The following ZNF93 variants were observed in gnomAD, a reference collection of about 807,000 sequenced individuals.
The protein encoded by ZNF93 is zinc finger protein 505.
A neutral mutation model predicts 45.0 loss-of-function variants in ZNF93; 29 were observed. That is an observed-to-expected ratio of 0.64 (90% CI 0.48 to 0.88). ZNF93 has a LOEUF of 0.88. Ranked by LOEUF, ZNF93 falls within the 40% of genes least tolerant of loss-of-function variation. The pLI, the probability that ZNF93 is intolerant of heterozygous loss-of-function variation, is 0.00. For synonymous variants in ZNF93, 223 were observed against 244.6 expected, an observed-to-expected ratio of 0.91 and a Z score of 0.82; for missense variants, 578 against 724.0, an observed-to-expected ratio of 0.80 and a Z score of 2.31.
chr19:19,906,769 A>G (rs2063293966), intron 1 of ZNF93, among the ~76,000 whole-genome samples: 1 of 152,044 alleles, frequency 6.6e-6, no homozygotes, highest in African/African-American at 2.4e-5. Flanking sequence ...TTTGAGCACC[A>G]TTTATGAAAT....
intron 3 of ZNF93, among the ~76,000 whole-genome samples, chr19:19,924,740 G>T (rs1431192810): frequency 1.3e-5 from 2 of 152,078 alleles, no homozygotes; most frequent in East Asian, 3.9e-4. Flanking sequence ...ACAGGCATGT[G>T]CCACCACACC....
chr19:19,927,126 T>C (rs2063358572), intron 3 of ZNF93: 1 of 398,508 alleles, frequency 2.5e-6, no homozygotes, highest in Non-Finnish European at 4.4e-6. Flanking sequence ...GGTGTGGTTG[T>C]GGTGCTCATG....
intron 1 of ZNF93, among the ~76,000 whole-genome samples, chr19:19,902,483 C>T (rs2063276428): frequency 6.6e-6 from 1 of 151,978 alleles, no homozygotes; most frequent in African/African-American, 2.4e-5. Flanking sequence ...GTCTCGAGCT[C>T]CCGGCCTCTG....
chr19:19,919,546 T>A (rs952013491), intron 3 of ZNF93, among the ~76,000 whole-genome samples: 15 of 152,288 alleles, frequency 9.8e-5, no homozygotes, highest in Middle Eastern at 3.4e-3. Flanking sequence ...CCTTGGGCAG[T>A]ATGGCCATTT....
At chr19:19,907,910 G>T (rs887514783) in intron 1 of ZNF93, 1 of 152,050 alleles carries the variant, frequency 6.6e-6, no homozygotes, top group African/African-American at 2.4e-5. Context: ...TTTTAATATT[G>T]TTATTTATAC....
intron 3 of ZNF93, among the ~76,000 whole-genome samples, chr19:19,918,285 AT>A (rs1222977910): frequency 7.9e-5 from 12 of 152,000 alleles, no homozygotes; most frequent in Admixed American, 2.6e-4. Context: ...TGAACTCATC[AT>A]TTTTTTATGG....
chr19:19,912,698 C>A (rs191386866), intron 1 of ZNF93, among the ~76,000 whole-genome samples: 4 of 149,810 alleles, frequency 2.7e-5, no homozygotes, highest in African/African-American at 9.9e-5. Context: ...TTATTCTATA[C>A]AATTTTTTAA....
rs2063324621 is a variant in ZNF93 at position 19,916,563 on chromosome 19, T to A, written c.134T>A (p.Ile45Asn). The A allele has an allele frequency of 6.2e-7, 1 of 1,611,774 alleles. No individual in the cohort carries two copies. The highest frequency in any genetic ancestry group is 1.3e-5 in the African/African-American group (1 of 74,780). Reference protein sequence around the residue: ...ENYSNLVFLGIVVSKPDLIAH... With the variant: ...ENYSNLVFLGNVVSKPDLIAH... ...TTATTTATTCTTAACAAAACAGGTA[T>A]TGTTGTCTCTAAGCCAGACCTGATC... The change falls in exon 3 of 4, where the codon ATT becomes AAT. Residue 45 changes from isoleucine (I) to asparagine (N), a missense_variant. By Grantham distance (149) the Ile-to-Asn change is moderately radical. Around this residue, in one of 3 missense-constraint regions of ZNF93, gnomAD observed 446 missense variants for 547.6 expected, o/e 0.81. Coordinates refer to ENST00000343769, the MANE Select transcript of ZNF93 (RefSeq NM_031218.4).
At chr19:19,926,087 T>TC (rs929403881) in intron 3 of ZNF93, 4 of 151,344 alleles carry the variant, frequency 2.6e-5, no homozygotes, top group Non-Finnish European at 1.5e-5. Flanking sequence ...AATTTTTTTT[T>TC]TTTTTTTTTT....
In ZNF93 at chr19:19,901,165, G is replaced by A; in HGVS notation, c.3+74G>A. The A allele has an allele frequency of 1.9e-6, 3 of 1,604,700 alleles. No individual in the cohort carries two copies. The African/African-American group carries it at 4.0e-5, about 21-fold the overall frequency. Reference sequence around the variant, plus strand: ...AACCGGTGGAAAGTGACGGTGGCGGGACTCAGGTATCCCCTTAGTCAGCTC... The same window carrying A: ...AACCGGTGGAAAGTGACGGTGGCGGAACTCAGGTATCCCCTTAGTCAGCTC... On this transcript the variant is annotated intron_variant, in intron 1 of 3. Transcript: ENST00000343769.
At chr19:19,910,650 C>CTTT (rs35098061) in intron 1 of ZNF93, among the ~76,000 whole-genome samples, 15 of 138,184 alleles carry the variant, frequency 1.1e-4, no homozygotes, top group Non-Finnish European at 1.6e-5. Context: ...GTTCTTTCAG[C>CTTT]TTTTTTTTTT....
Position 19,922,746 on chromosome 19 carries a change from T to C in ZNF93, c.226+6091T>C, listed in dbSNP as rs183219135. 4.0e-4 allele frequency among the ~76,000 whole-genome samples: 61 copies of C among 152,390 alleles called. No homozygotes were observed. In the East Asian group the frequency reaches 0.012, roughly 29 times the overall value. On this transcript the variant is annotated intron_variant, in intron 3 of 3. Coordinates refer to ENST00000343769, the MANE Select transcript of ZNF93 (RefSeq NM_031218.4). ...TGATCAAATCAGCTACTGATGCTTATGCATTTGTCACATAGTTCTCGTGCC... is the reference window on the plus strand; with the variant it reads ...TGATCAAATCAGCTACTGATGCTTACGCATTTGTCACATAGTTCTCGTGCC...
At chr19:19,931,356 A>T (rs2063373849) in intron 3 of ZNF93, among the ~76,000 whole-genome samples, 1 of 151,794 alleles carries the variant, frequency 6.6e-6, no homozygotes, top group South Asian at 2.1e-4. Context: ...TGCCCAGCTA[A>T]TTTTTTGTAA....
Position 19,917,869 on chromosome 19 carries a change from T to C in ZNF93, c.226+1214T>C, listed in dbSNP as rs533611378. ...TTTTAAAATATGAGATTGTATGATC[T>C]ACAAACAGCAACTTTTTACTTATTT... On this transcript the variant is annotated intron_variant, in intron 3 of 3. Coordinates refer to ENST00000343769, the MANE Select transcript of ZNF93 (RefSeq NM_031218.4). Among the ~76,000 whole-genome samples the C allele has an allele frequency of 1.7e-3, 264 of 152,322 alleles. 1 individual carries two copies. The highest frequency in any genetic ancestry group is 5.5e-3 in the Admixed American group (84 of 15,290).
In ZNF93 at chr19:19,900,972, G is replaced by A. The variant is rs2063268213; in HGVS notation, c.-117G>A. 6.6e-7 allele frequency: 1 copy of A among 1,516,304 alleles called. No individual in the cohort carries two copies. Among genetic ancestry groups the A allele is most frequent in the South Asian group, 1.1e-5 (1 of 88,716 alleles). 93.9% of individuals were successfully genotyped at this position (1,516,304 alleles called of 1,614,324 possible). Reference sequence around the variant, plus strand: ...TCTCTCGGTGCAGCCGGAGCTCCAGGTCTCCTCTTCACTACTCTGTGTCCT... The same window carrying A: ...TCTCTCGGTGCAGCCGGAGCTCCAGATCTCCTCTTCACTACTCTGTGTCCT... On this transcript the variant is annotated 5_prime_UTR_variant, in exon 1 of 4. Transcript: ENST00000343769.
chr19:19,925,943 T>G (rs760593659), intron 3 of ZNF93, among the ~76,000 whole-genome samples: 9 of 152,158 alleles, frequency 5.9e-5, no homozygotes, highest in Non-Finnish European at 1.0e-4. Flanking sequence ...TTATTAAGTT[T>G]CTTATTAGAA....
intron 1 of ZNF93, chr19:19,907,696 C>T (rs748355633): frequency 2.6e-5 from 4 of 151,914 alleles, no homozygotes; most frequent in Non-Finnish European, 5.9e-5. Context: ...CATCACCACA[C>T]CTGGCTAAGC....
chr19:19,915,411 G>A lies in ZNF93; in HGVS notation c.130+5G>A. ...ACAGTAACCTGGTCTTCCTTGGTGA[G>A]GATAACTTTAATACATAATTCATAA... On this transcript the variant is annotated splice_donor_5th_base_variant and intron_variant, in intron 2 of 3. Transcript: ENST00000343769. 2 of 1,611,456 alleles carry A rather than the reference G, an allele frequency of 1.2e-6. No homozygotes were observed. The highest frequency in any genetic ancestry group is 1.7e-6 in the Non-Finnish European group (2 of 1,179,026).
chr19:19,933,301 AG>A lies in ZNF93; in HGVS notation c.348del (p.Arg116SerfsTer5). On this transcript the variant is annotated frameshift_variant, in exon 4 of 4. Transcript: ENST00000343769. LOFTEE classifies it high-confidence loss of function. ...RGHGNLQLIKRCESVDECKVH... is the reference protein window; with the variant it reads ...RGHGNLQLIKXCESVDECKVH... ...ACATGGAAATTTACAGTTAATAAAA[AG>A]GTGTGAAAGTGTAGATGAGTGTAAG... 6.2e-7 allele frequency: 1 copy of A among 1,611,814 alleles called. No homozygotes were observed. Among genetic ancestry groups the A allele is most frequent in the African/African-American group, 1.3e-5 (1 of 74,820 alleles).
Sources: gnomAD v4.1 joint callset for allele counts (sites outside exome capture counted in the v4.1 genomes callset) on GRCh38, gnomAD v4.1.1 for gene constraint, gnomAD v4.1.1 regional missense constraint, MANE v1.5 for transcripts, NCBI Gene and HGNC (gene_info 2026-07-23, HGNC 2026-07-21) for gene names.